Variants in EPSTI1 observed in about 807,000 individuals in gnomAD.
EPSTI1 encodes the protein epithelial-stromal interaction protein 1.
A neutral mutation model predicts 49.9 loss-of-function variants in EPSTI1; 66 were observed. The ratio of observed to expected loss-of-function variants is 1.32; its 90% confidence interval spans 1.08 to 1.62. The LOEUF is 1.62. Ranked by LOEUF, EPSTI1 falls within the 40% of genes most tolerant of loss-of-function variation. The probability of loss-of-function intolerance (pLI) is 0.00; values close to 1 mark genes in which losing one functional copy is unlikely to be tolerated. For synonymous variants in EPSTI1, 137 were observed against 130.7 expected (o/e 1.05, Z -0.33); for missense variants, 394 against 365.5 (o/e 1.08, Z -0.64).
Position 42,978,659 on chromosome 13 carries a change from CA to C in EPSTI1, c.189-7990del, listed in dbSNP as rs1352161749. 2.0e-5 allele frequency among the ~76,000 whole-genome samples: 3 copies of C among 152,274 alleles called. No individual in the cohort carries two copies. In the East Asian group the frequency reaches 5.8e-4, roughly 29 times the overall value. On this transcript the variant is annotated intron_variant, in intron 1 of 10. Transcript: ENST00000313624. ...TAGTTTTCCATTATTTGTATTAGAT[CA>C]TCCCTAGACTACCTACCTTCAGACT...
At chr13:42,948,899 C>G (rs1339168171) in intron 6 of EPSTI1, among the ~76,000 whole-genome samples, 1 of 152,164 alleles carries the variant, frequency 6.6e-6, no homozygotes, top group Non-Finnish European at 1.5e-5. Flanking sequence ...CCAAGCCCCC[C>G]AACAGACTTA....
intron 1 of EPSTI1, among the ~76,000 whole-genome samples, chr13:42,984,316 AT>A (rs2040040364): frequency 6.6e-6 from 1 of 152,240 alleles, no homozygotes; most frequent in Admixed American, 6.5e-5. Flanking sequence ...TATAAGCAGA[AT>A]TTTATTCTCA....
intron 6 of EPSTI1, among the ~76,000 whole-genome samples, chr13:42,937,306 C>A (rs960888003): frequency 5.9e-5 from 9 of 152,200 alleles, no homozygotes; most frequent in Middle Eastern, 3.2e-3. Context: ...GCTGACTAAT[C>A]AGGGTGGTAG....
chr13:42,941,588 C>G (rs1396372113), intron 6 of EPSTI1, among the ~76,000 whole-genome samples: 1 of 148,792 alleles, frequency 6.7e-6, no homozygotes, highest in Non-Finnish European at 1.5e-5. Context: ...CCACTGTACT[C>G]TAGCCTGGGT....
At chr13:42,947,185 A>G (rs944702539) in intron 6 of EPSTI1, among the ~76,000 whole-genome samples, 2 of 152,196 alleles carry the variant, frequency 1.3e-5, no homozygotes, top group African/African-American at 4.8e-5. Flanking sequence ...CCCCACTAAA[A>G]ACAACATTTC....
intron 2 of EPSTI1, 160 bp from the exon 3 acceptor site, chr13:42,969,337 C>G (rs1487292007): frequency 4.4e-6 from 3 of 686,118 alleles, no homozygotes; most frequent in Non-Finnish European, 7.2e-6. Context: ...AGCCCTGACC[C>G]GTACAGGTCA....
intron 8 of EPSTI1, among the ~76,000 whole-genome samples, chr13:42,911,292 A>C (rs61950254): frequency 8.8e-6 from 1 of 113,446 alleles, no homozygotes; most frequent in African/African-American, 2.9e-5. Context: ...CACGTGTGTG[A>C]GTGTGCACAT....
chr13:42,899,200 A>G (rs949183162), intron 9 of EPSTI1, among the ~76,000 whole-genome samples: 4 of 150,894 alleles, frequency 2.7e-5, no homozygotes, highest in Non-Finnish European at 5.9e-5. Flanking sequence ...TCTGTCTCAA[A>G]AAAAAAAAAA....
At chr13:42,917,892 T>C (rs1283759861) in intron 7 of EPSTI1, among the ~76,000 whole-genome samples, 3 of 152,218 alleles carry the variant, frequency 2.0e-5, no homozygotes, top group Non-Finnish European at 4.4e-5. Flanking sequence ...AATTAAGCTT[T>C]AAAAATATCC....
At chr13:42,988,736 A>G (rs2040130465) in intron 1 of EPSTI1, among the ~76,000 whole-genome samples, 1 of 152,164 alleles carries the variant, frequency 6.6e-6, no homozygotes, top group Middle Eastern at 3.4e-3. Flanking sequence ...GTCTCAAAAA[A>G]AAAAAAAAAG....
At chr13:42,979,374 G>C (rs1389361373) in intron 1 of EPSTI1, among the ~76,000 whole-genome samples, 1 of 152,012 alleles carries the variant, frequency 6.6e-6, no homozygotes, top group African/African-American at 2.4e-5. Context: ...GTCAGGAGAT[G>C]GAGACCATCC....
chr13:42,932,973 T>C (rs1400151267), intron 6 of EPSTI1, among the ~76,000 whole-genome samples: 1 of 152,198 alleles, frequency 6.6e-6, no homozygotes, highest in Non-Finnish European at 1.5e-5. Context: ...TAACTATCCA[T>C]TACCCACTGA....
At position 42,914,051 on chromosome 13, in the gene EPSTI1, T is replaced by C. The variant is rs575179845; in HGVS notation, c.741+3490A>G. ...TCCTGAGGCCTCCCCAGCCATGTTT[T>C]CTGTATAGCCTGTAGAACTGTGAGC... On this transcript the variant is annotated intron_variant, in intron 8 of 10. Transcript: ENST00000313624. Among the ~76,000 whole-genome samples the C allele has an allele frequency of 3.3e-3, 504 of 152,328 alleles. 4 individuals carry two copies. Among genetic ancestry groups the C allele is most frequent in the African/African-American group, 0.011 (478 of 41,588 alleles).
chr13:42,889,256 A>T, intron 10 of EPSTI1: 2 of 1,500,942 alleles, frequency 1.3e-6, no homozygotes, highest in Non-Finnish European at 1.8e-6. Flanking sequence ...GAAAAATAAA[A>T]AAATATATTT....
At chr13:42,925,634 G>T (rs1426372332) in intron 7 of EPSTI1, among the ~76,000 whole-genome samples, 1 of 152,164 alleles carries the variant, frequency 6.6e-6, no homozygotes, top group Non-Finnish European at 1.5e-5. Flanking sequence ...TATCCTTCTA[G>T]CTCACTTTTC....
intron 6 of EPSTI1, among the ~76,000 whole-genome samples, chr13:42,949,103 C>T (rs114854260): frequency 0.018 from 2,697 of 152,220 alleles, 81 homozygotes; most frequent in African/African-American, 0.062. Flanking sequence ...CAGCATCACA[C>T]GACAGATAGC....
chr13:42,911,244 AGTGT>A (rs372327588), intron 8 of EPSTI1, among the ~76,000 whole-genome samples: 29 of 147,144 alleles, frequency 2.0e-4, no homozygotes, highest in African/African-American at 4.3e-4. Context: ...AGAGAGAGAG[AGTGT>A]GTGTGTGTGT....
At chr13:42,951,379 A>T (rs955154163) in intron 6 of EPSTI1, among the ~76,000 whole-genome samples, 1 of 152,234 alleles carries the variant, frequency 6.6e-6, no homozygotes, top group Non-Finnish European at 1.5e-5. Context: ...AACCTCACAC[A>T]TATACCTCTT....
intron 7 of EPSTI1, among the ~76,000 whole-genome samples, chr13:42,918,228 G>C (rs556620427): frequency 6.6e-6 from 1 of 152,320 alleles, no homozygotes; most frequent in African/African-American, 2.4e-5. Flanking sequence ...CAGCACATGA[G>C]GGAGAATGCC....
Sources: gnomAD v4.1 joint callset for allele counts (sites outside exome capture counted in the v4.1 genomes callset) on GRCh38, gnomAD v4.1.1 for gene constraint, MANE v1.5 for transcripts, NCBI Gene and HGNC (gene_info 2026-07-23, HGNC 2026-07-21) for gene names.